Variants in ABCA13 observed in about 807,000 individuals in gnomAD.
ABCA13 encodes the protein ATP-binding cassette sub-family A member 13.
Under a neutral mutation model 478.7 loss-of-function variants are expected in ABCA13, and 476 were observed. That is an observed-to-expected ratio of 0.99 (90% CI 0.92 to 1.07). The LOEUF (loss-of-function observed/expected upper bound fraction) is 1.07, where lower values mean the gene tolerates loss of function less well. Ranked by LOEUF, ABCA13 falls within the 50% of genes least tolerant of loss-of-function variation. ABCA13 has a pLI of 0.00. For synonymous variants in ABCA13, 2,252 were observed against 2,158.9 expected, an observed-to-expected ratio of 1.04 and a Z score of -1.20; for missense variants, 6,060 against 5,910.6, an observed-to-expected ratio of 1.03 and a Z score of -0.83.
At chr7:48,341,845 TA>T (rs1429368997) in intron 29 of ABCA13, among the ~76,000 whole-genome samples, 1 of 143,378 alleles carries the variant, frequency 7.0e-6, no homozygotes, top group Non-Finnish European at 1.5e-5. Flanking sequence ...TATATATATA[TA>T]TATCTTTCTG....
intron 42 of ABCA13, among the ~76,000 whole-genome samples, chr7:48,440,572 G>A (rs147545761): frequency 1.3e-5 from 2 of 152,030 alleles, no homozygotes; most frequent in African/African-American, 4.8e-5. Flanking sequence ...TAATTTCTGA[G>A]CATTCAGTTT....
Position 48,276,552 on chromosome 7 carries a change from A to C in ABCA13, c.6886A>C (p.Ile2296Leu). The change falls in exon 17 of 62, where the codon ATT becomes CTT. Residue 2296 changes from isoleucine (I) to leucine (L), a missense_variant. This residue lies in a region of ABCA13 where 4,423 missense variants were observed against 4,309.1 expected (regional missense o/e 1.03). Coordinates refer to ENST00000435803, the MANE Select transcript of ABCA13 (RefSeq NM_152701.5). ...GCTGAAATATTTCCACAAAGATGTT[A>C]TTGCAGAGATGAGGTGAGTATACTT... ...LLLKYFHKDVIAEMSFVPKDK... is the reference protein window; with the variant it reads ...LLLKYFHKDVLAEMSFVPKDK... 1.2e-6 allele frequency: 2 copies of C among 1,611,492 alleles called. No individual in the cohort carries two copies. The highest frequency in any genetic ancestry group is 1.7e-6 in the Non-Finnish European group (2 of 1,179,366).
At chr7:48,427,299 TATATC>T (rs1821562943) in intron 41 of ABCA13, among the ~76,000 whole-genome samples, 1 of 152,230 alleles carries the variant, frequency 6.6e-6, no homozygotes, top group Non-Finnish European at 1.5e-5. Flanking sequence ...AGTGACATCA[TATATC>T]ATAGCCCATG....
chr7:48,305,611 C>T (rs1041778166), intron 23 of ABCA13, among the ~76,000 whole-genome samples: 1 of 152,230 alleles, frequency 6.6e-6, no homozygotes, highest in Non-Finnish European at 1.5e-5. Flanking sequence ...CTTTCCCAAC[C>T]TCTGAGTCTA....
intron 27 of ABCA13, among the ~76,000 whole-genome samples, chr7:48,317,633 G>A (rs779689607): frequency 5.9e-5 from 9 of 152,192 alleles, no homozygotes; most frequent in Non-Finnish European, 1.3e-4. Flanking sequence ...GAGAACAAAT[G>A]CTAATCTGTT....
intron 44 of ABCA13, among the ~76,000 whole-genome samples, chr7:48,469,107 A>G (rs1827197103): frequency 6.6e-6 from 1 of 152,250 alleles, no homozygotes; most frequent in Admixed American, 6.5e-5. Flanking sequence ...ATGGTTTAGT[A>G]CAGAACAAAA....
In ABCA13 at chr7:48,279,162, G is replaced by T. The variant is rs187797177; in HGVS notation, c.7968G>T (p.Ala2656=). 4.4e-6 allele frequency: 7 copies of T among 1,602,520 alleles called. No homozygotes were observed. The South Asian group carries it at 7.8e-5, about 18-fold the overall frequency. The part of the protein sequence containing the change: ...KMNLEDMRSL[A]VAFNNETQTF... ...ACTTGGAAGATATGAGGAGTCTTGC[G>T]GTAGCATTTAACAATGAGACTCAAA... The change falls in exon 18 of 62, where the codon GCG becomes GCT. Residue 2656 remains alanine, a synonymous_variant. Transcript: ENST00000435803.
At chr7:48,232,636 A>T (rs1188347448) in intron 7 of ABCA13, among the ~76,000 whole-genome samples, 1 of 151,926 alleles carries the variant, frequency 6.6e-6, no homozygotes, top group Non-Finnish European at 1.5e-5. Context: ...ATGCACTAAA[A>T]CTGTTAATCT....
intron 28 of ABCA13, 103 bp from the exon 29 acceptor site, chr7:48,338,262 G>C (rs1004592804): frequency 1.2e-6 from 1 of 801,370 alleles, no homozygotes; most frequent in East Asian, 3.0e-5. Flanking sequence ...CAGTTTATGT[G>C]CCTTGTTCCT....
intron 43 of ABCA13, among the ~76,000 whole-genome samples, chr7:48,458,999 C>T (rs937581649): frequency 1.3e-5 from 2 of 152,110 alleles, no homozygotes; most frequent in Non-Finnish European, 2.9e-5. Flanking sequence ...CATTCATGAC[C>T]CAGGCTTCTG....
intron 42 of ABCA13, among the ~76,000 whole-genome samples, chr7:48,436,594 T>A (rs79853372): frequency 1.2e-3 from 184 of 151,974 alleles, no homozygotes; most frequent in Admixed American, 2.5e-3. Flanking sequence ...TCTTATTTTT[T>A]AAGGAATCAT....
chr7:48,630,000 A>G (rs560012929), intron 59 of ABCA13, among the ~76,000 whole-genome samples: 19 of 152,080 alleles, frequency 1.2e-4, no homozygotes, highest in African/African-American at 3.9e-4. Context: ...AATTATTATT[A>G]TCTATTTCTT....
Position 48,489,295 on chromosome 7 carries a change from C to T in ABCA13, c.13242C>T (p.Asn4414=). The change falls in exon 48 of 62, where the codon AAC becomes AAT. Residue 4414 remains asparagine (N), a synonymous_variant. Transcript: ENST00000435803. ...SLPSYLNHLN[N]LILWQHLPPT... is the part of the protein sequence containing the mutation. ...CTTCCTACTTAAATCATCTAAACAA[C>T]CTTATTTTGTGGCAGCACCTACCCC... 1 of 1,612,912 alleles carries T rather than the reference C, an allele frequency of 6.2e-7. No homozygotes were observed. Among genetic ancestry groups the T allele is most frequent in the Non-Finnish European group, 8.5e-7 (1 of 1,179,232 alleles).
At chr7:48,395,602 C>T (rs778642454) in intron 38 of ABCA13, among the ~76,000 whole-genome samples, 1 of 152,212 alleles carries the variant, frequency 6.6e-6, no homozygotes, top group Non-Finnish European at 1.5e-5. Context: ...AAGACCAGCT[C>T]TCCCCTTCCT....
chr7:48,236,261 G>T (rs747461917), intron 8 of ABCA13, among the ~76,000 whole-genome samples: 7 of 152,170 alleles, frequency 4.6e-5, no homozygotes, highest in Non-Finnish European at 8.8e-5. Context: ...TCTCCCAGGT[G>T]ATCAGAGTTA....
intron 59 of ABCA13, among the ~76,000 whole-genome samples, chr7:48,635,280 T>G (rs372930702): frequency 6.6e-6 from 1 of 151,428 alleles, no homozygotes; most frequent in East Asian, 1.9e-4. Flanking sequence ...TGGGGATAGA[T>G]TAGCAGTTAT....
intron 33 of ABCA13, among the ~76,000 whole-genome samples, chr7:48,373,031 C>T (rs994570865): frequency 1.3e-5 from 2 of 152,090 alleles, no homozygotes; most frequent in African/African-American, 2.4e-5. Context: ...TGCTGGCAAG[C>T]GCAGTGCCTG....
chr7:48,252,724 G>A (rs1792761659), intron 15 of ABCA13, among the ~76,000 whole-genome samples: 1 of 152,074 alleles, frequency 6.6e-6, no homozygotes, highest in Admixed American at 6.5e-5. Flanking sequence ...TTTTCACTGT[G>A]TTTTCTTTGA....
At chr7:48,506,215 C>T (rs1831194275) in intron 48 of ABCA13, 121 bp from the exon 49 acceptor site, 1 of 1,053,096 alleles carries the variant, frequency 9.5e-7, no homozygotes, top group African/African-American at 1.6e-5. Flanking sequence ...TTGACCAGGG[C>T]CTGGGCAAAG....
Sources: gnomAD v4.1 joint callset for allele counts (sites outside exome capture counted in the v4.1 genomes callset) on GRCh38, gnomAD v4.1.1 for gene constraint, gnomAD v4.1.1 regional missense constraint, MANE v1.5 for transcripts, NCBI Gene and HGNC (gene_info 2026-07-23, HGNC 2026-07-21) for gene names.